Variants in BAZ2B observed in about 807,000 individuals in gnomAD.
BAZ2B encodes the protein bromodomain adjacent to zinc finger domain 2B, also known as bromodomain adjacent to zinc finger domain protein 2B.
A neutral mutation model predicts 246.0 loss-of-function variants in BAZ2B; 91 were observed. The ratio of observed to expected loss-of-function variants is 0.37; its 90% CI spans 0.31 to 0.44. The LOEUF (loss-of-function observed/expected upper bound fraction) is 0.44, where lower values mean the gene tolerates loss of function less well. Among genes scored for constraint, BAZ2B ranks in the 20% least tolerant of loss-of-function variants. The pLI is 1.00. For missense variants in BAZ2B, 2,332 were observed against 2,533.7 expected (o/e 0.92, Z 1.71); for synonymous variants, 855 against 860.0 (o/e 0.99, Z 0.10).
chr2:159,615,539 G>A (rs958360385), intron 1 of BAZ2B: 3 of 152,132 alleles, frequency 2.0e-5, no homozygotes, highest in Non-Finnish European at 4.4e-5. Context: ...CTACACACGG[G>A]AGAGCTAGAG....
intron 36 of BAZ2B, among the ~76,000 whole-genome samples, chr2:159,324,123 A>C (rs1186780881): frequency 6.6e-6 from 1 of 152,090 alleles, no homozygotes; most frequent in Admixed American, 6.6e-5. Flanking sequence ...CACCAAAAGA[A>C]TGTATAGGAA....
At chr2:159,318,140 C>T (rs748967844), downstream of BAZ2B, among the ~76,000 whole-genome samples, 1 of 152,194 alleles carries the variant, frequency 6.6e-6, no homozygotes, top group Non-Finnish European at 1.5e-5. Context: ...TATAAATTAA[C>T]ATAAGCATAT....
chr2:159,689,523 C>T, the BAZ2B span: 4 of 235,944 alleles, frequency 1.7e-5, no homozygotes, highest in Non-Finnish European at 3.3e-5. Flanking sequence ...AGGTGCACAC[C>T]ACCACACCCG....
At chr2:159,545,175 C>T (rs530236081) in intron 2 of BAZ2B, among the ~76,000 whole-genome samples, 9 of 152,326 alleles carry the variant, frequency 5.9e-5, no homozygotes, top group African/African-American at 2.2e-4. Flanking sequence ...TTAGTACCTT[C>T]CCATATCACT....
intron 3 of BAZ2B, among the ~76,000 whole-genome samples, chr2:159,466,864 A>G (rs1042663984): frequency 2.6e-5 from 4 of 152,052 alleles, no homozygotes; most frequent in African/African-American, 4.8e-5. Flanking sequence ...GATGATGCCC[A>G]CCTACACTGG....
At chr2:159,557,002 C>A (rs1242596299) in intron 1 of BAZ2B, among the ~76,000 whole-genome samples, 3 of 152,108 alleles carry the variant, frequency 2.0e-5, no homozygotes, top group African/African-American at 7.2e-5. Flanking sequence ...CTGAATTTTT[C>A]CTGGTTTCTC....
chr2:159,602,299 A>T (rs1352404882), intron 1 of BAZ2B, among the ~76,000 whole-genome samples: 1 of 152,220 alleles, frequency 6.6e-6, no homozygotes, highest in African/African-American at 2.4e-5. Context: ...GGAAAGGAGG[A>T]AAAGGAGAAC....
chr2:159,670,585 T>C, the BAZ2B span: 1 of 152,234 alleles, frequency 6.6e-6, no homozygotes, highest in African/African-American at 2.4e-5. Flanking sequence ...TGTAAATATG[T>C]ATTACATCTG....
At chr2:159,517,939 T>G (rs2083603360) in intron 2 of BAZ2B, among the ~76,000 whole-genome samples, 1 of 152,210 alleles carries the variant, frequency 6.6e-6, no homozygotes, top group Non-Finnish European at 1.5e-5. Flanking sequence ...CTGAATTTCT[T>G]GGTCACGTTA....
intron 2 of BAZ2B, among the ~76,000 whole-genome samples, chr2:159,532,695 A>G (rs577760070): frequency 1.3e-5 from 2 of 152,326 alleles, no homozygotes; most frequent in Admixed American, 1.3e-4. Context: ...TAGTTAAGTG[A>G]CCATTATAAG....
rs964093030 is a variant in BAZ2B at position 159,581,221 on chromosome 2, G to GA, written c.-45-25357dup. The stretch of plus-strand genomic sequence containing the variant: ...ACAAAGAACTTAAACAAATTTACAA[G>GA]AAAAAAAAAATCAAACCACCACGTC... On this transcript the variant is annotated intron_variant, in intron 1 of 36. Transcript: ENST00000392783. Among the ~76,000 whole-genome samples the GA allele has an allele frequency of 3.5e-4, 52 of 148,542 alleles. 1 individual carries two copies. The highest frequency in any genetic ancestry group is 4.2e-4 in the South Asian group (2 of 4,706).
intron 27 of BAZ2B, among the ~76,000 whole-genome samples, chr2:159,354,871 A>T (rs184174542): frequency 1.2e-3 from 184 of 152,344 alleles, no homozygotes; most frequent in Middle Eastern, 6.8e-3. Flanking sequence ...TCTTCACTTA[A>T]TTAACTACCC....
intron 2 of BAZ2B, among the ~76,000 whole-genome samples, chr2:159,489,570 A>G (rs187366355): frequency 6.6e-6 from 1 of 152,326 alleles, no homozygotes; most frequent in Non-Finnish European, 1.5e-5. Context: ...CAAGAAGATG[A>G]GCAAACCCCA....
intron 16 of BAZ2B, among the ~76,000 whole-genome samples, chr2:159,403,340 A>C (rs1290098365): frequency 6.6e-6 from 1 of 152,136 alleles, no homozygotes; most frequent in Non-Finnish European, 1.5e-5. Flanking sequence ...ATATTGCTGG[A>C]AACTTTGGAG....
chr2:159,620,116 A>T (rs1217093508), upstream of BAZ2B, among the ~76,000 whole-genome samples: 1 of 152,216 alleles, frequency 6.6e-6, no homozygotes, highest in Non-Finnish European at 1.5e-5. Context: ...GAACTTCTTA[A>T]ATAGGTAGAT....
chr2:159,486,483 T>C (rs907697301), intron 2 of BAZ2B, among the ~76,000 whole-genome samples: 5 of 151,870 alleles, frequency 3.3e-5, no homozygotes, highest in Non-Finnish European at 7.4e-5. Context: ...TCCCTTTTAA[T>C]AGGAAAGATG....
chr2:159,423,878 C>T (rs749320370), intron 13 of BAZ2B, among the ~76,000 whole-genome samples: 7 of 152,142 alleles, frequency 4.6e-5, no homozygotes, highest in East Asian at 3.9e-4. Context: ...AAAGTGGTGG[C>T]GGGGGATGGG....
At chr2:159,317,273 G>A (rs767488220), downstream of BAZ2B, among the ~76,000 whole-genome samples, 13 of 152,128 alleles carry the variant, frequency 8.5e-5, no homozygotes, top group Non-Finnish European at 1.6e-4. Context: ...GGGATTGAGG[G>A]GCTGGAAAAG....
At chr2:159,359,278 A>G (rs1306003599) in intron 27 of BAZ2B, among the ~76,000 whole-genome samples, 1 of 152,234 alleles carries the variant, frequency 6.6e-6, no homozygotes, top group Admixed American at 6.5e-5. Context: ...AGTGGATATC[A>G]CCACTGATCC....
Sources: allele counts gnomAD v4.1 joint callset (sites outside exome capture counted in the v4.1 genomes callset), GRCh38; gene constraint gnomAD v4.1.1; transcripts MANE v1.5; gene names NCBI Gene and HGNC (gene_info 2026-07-23, HGNC 2026-07-21).